The following GALNT12 variants were observed in gnomAD, a reference collection of about 807,000 sequenced individuals.
GALNT12 encodes UDP-GalNAc:polypeptide N-acetylgalactosaminyltransferase 12.
Under a neutral mutation model 55.5 loss-of-function variants are expected in GALNT12, and 45 were observed. That is an observed-to-expected ratio of 0.81 (90% CI 0.64 to 1.04). The LOEUF (loss-of-function observed/expected upper bound fraction) is 1.04, where lower values mean the gene tolerates loss of function less well. GALNT12 is among the 50% of genes least tolerant of loss of function. GALNT12 has a pLI of 0.00. For synonymous variants in GALNT12, 304 were observed against 312.2 expected, an observed-to-expected ratio of 0.97 and a Z score of 0.28; for missense variants, 709 against 754.8, an observed-to-expected ratio of 0.94 and a Z score of 0.71.
rs10987952 is a variant in GALNT12 at position 98,845,743 on chromosome 9, C to A, written c.1459-234C>A. Reference sequence around the variant, plus strand: ...GCACCAGCCCTGTCTCCCTGTCTAGCAAGCTGGGCAGGCATGGGAAGGGCC... The same window carrying A: ...GCACCAGCCCTGTCTCCCTGTCTAGAAAGCTGGGCAGGCATGGGAAGGGCC... On this transcript the variant is annotated intron_variant, in intron 8 of 9. Coordinates refer to ENST00000375011, the MANE Select transcript of GALNT12 (RefSeq NM_024642.5). 0.12 allele frequency among the ~76,000 whole-genome samples: 17,622 copies of A among 152,084 alleles called. 1,282 individuals are homozygous for A. Among genetic ancestry groups the A allele is most frequent in the East Asian group, 0.32 (1,631 of 5,130 alleles).
At chr9:98,826,686 G>A (rs911853557) in intron 2 of GALNT12, 66 bp from the exon 3 acceptor site, 1 of 1,512,326 alleles carries the variant, frequency 6.6e-7, no homozygotes, top group East Asian at 2.4e-5. Context: ...AGAAGGCCCC[G>A]GGTTGGGATG....
chr9:98,816,389 G>GC (rs1835610119), intron 1 of GALNT12, among the ~76,000 whole-genome samples: 1 of 130,982 alleles, frequency 7.6e-6, no homozygotes, highest in East Asian at 2.5e-4. Context: ...ATTAAAAAAA[G>GC]AAAAAAAAAA....
Position 98,835,278 on chromosome 9 carries a change from C to A in GALNT12, c.947C>A (p.Ala316Asp). Residue 316 changes from alanine (A) to aspartate (D), a missense_variant, in exon 5 of 10, where the codon GCT becomes GAT. Ala to Asp is a moderately radical substitution (Grantham distance 126). This residue lies in a region of GALNT12 where 17 missense variants were observed against 33.1 expected (regional missense o/e 0.51). Transcript: ENST00000375011. ...RSPTMAGGLF[A>D]VSKKYFEYLG... ...CCAACAATGGCTGGTGGGCTGTTTG[C>A]TGTGAGTAAGAAATATTTTGAATAT... 1 of 1,613,890 alleles carries A rather than the reference C, an allele frequency of 6.2e-7. No homozygotes were observed. The highest frequency in any genetic ancestry group is 8.5e-7 in the Non-Finnish European group (1 of 1,179,778).
At position 98,844,242 on chromosome 9, in the gene GALNT12, T is replaced by G. The variant is rs546282831; in HGVS notation, c.1458+33T>G. On this transcript the variant is annotated intron_variant, in intron 8 of 9. Transcript: ENST00000375011. ...TGAGCCTCAAAAGAGGAGAAAGCTG[T>G]GTGTTTTGTTAAAAAAATTAAATAG... 186 of 1,330,254 alleles carry G rather than the reference T, an allele frequency of 1.4e-4. 3 individuals carry two copies. The South Asian group carries it at 2.1e-3, about 15-fold the overall frequency. The allele number at this position is 1,330,254 out of a possible 1,614,324, so 82.4% of individuals were successfully genotyped here.
chr9:98,845,114 C>T (rs1216011673), intron 8 of GALNT12, among the ~76,000 whole-genome samples: 1 of 152,156 alleles, frequency 6.6e-6, no homozygotes, highest in African/African-American at 2.4e-5. Flanking sequence ...CTGTTTAGAA[C>T]AGCCTTCCTC....
intron 6 of GALNT12, among the ~76,000 whole-genome samples, chr9:98,838,807 A>G (rs1271938379): frequency 3.3e-5 from 5 of 152,216 alleles, no homozygotes; most frequent in Non-Finnish European, 5.9e-5. Flanking sequence ...CCTTCCAGCA[A>G]CCCTGCAGGG....
At chr9:98,832,079 C>T (rs1355156460) in intron 4 of GALNT12, 122 bp downstream of exon 4, 1 of 803,468 alleles carries the variant, frequency 1.2e-6, no homozygotes, top group East Asian at 2.7e-5. Context: ...CCCCTCTTCC[C>T]ACTTTTTTGC....
At chr9:98,843,852 C>A (rs1836353224) in intron 7 of GALNT12, among the ~76,000 whole-genome samples, 1 of 152,176 alleles carries the variant, frequency 6.6e-6, no homozygotes, top group East Asian at 1.9e-4. Flanking sequence ...AGCTTTCAGG[C>A]CATGAAGAGT....
intron 6 of GALNT12, among the ~76,000 whole-genome samples, chr9:98,838,972 A>C (rs565538047): frequency 6.6e-6 from 1 of 152,146 alleles, no homozygotes; most frequent in Non-Finnish European, 1.5e-5. Context: ...TGCAGAGCCC[A>C]TGGGTTCTCA....
intron 1 of GALNT12, among the ~76,000 whole-genome samples, chr9:98,822,848 C>T (rs901018526): frequency 6.6e-6 from 1 of 152,076 alleles, no homozygotes; most frequent in Non-Finnish European, 1.5e-5. Flanking sequence ...GAGCTGGGAG[C>T]TTGCCAAGTA....
rs139257090 is a variant in GALNT12 at position 98,849,029 on chromosome 9, A to G, written c.1683A>G (p.Pro561=). 6 of 1,614,090 alleles carry G rather than the reference A, an allele frequency of 3.7e-6. No homozygotes were observed. The South Asian group carries it at 4.4e-5, about 12-fold the overall frequency. ...AGGAGTCGAGTGACAGTTTCGTTCCACTCTTACGAGACTGCACCAACTCGG... is the reference window on the plus strand; with the variant it reads ...AGGAGTCGAGTGACAGTTTCGTTCCGCTCTTACGAGACTGCACCAACTCGG... ...ARKESSDSFV[P]LLRDCTNSDH... Residue 561 remains proline (P), a synonymous_variant, in exon 10 of 10, where the codon CCA becomes CCG. Coordinates refer to ENST00000375011, the MANE Select transcript of GALNT12 (RefSeq NM_024642.5).
chr9:98,823,279 A>G lies in GALNT12; in HGVS notation c.395A>G (p.Tyr132Cys). The G allele has an allele frequency of 1.2e-6, 2 of 1,614,204 alleles. No individual in the cohort carries two copies. The highest frequency in any genetic ancestry group is 8.5e-7 in the Non-Finnish European group (1 of 1,180,010). ...AGGTGCAAAGAGAAGAAATATGATT[A>G]TGATAATTTGCCCAGGACATCTGTT... ...NPLCKEKKYD[Y>C]DNLPRTSVII... The change falls in exon 2 of 10, where the codon TAT (tyrosine) becomes TGT (cysteine). Residue 132 changes from tyrosine (Y) to cysteine (C), a missense_variant. By Grantham distance (194) the Tyr-to-Cys change is radical (BLOSUM62 -2). Coordinates refer to ENST00000375011, the MANE Select transcript of GALNT12 (RefSeq NM_024642.5).
intron 7 of GALNT12, among the ~76,000 whole-genome samples, chr9:98,841,356 G>A (rs938422586): frequency 1.3e-5 from 2 of 152,186 alleles, no homozygotes; most frequent in African/African-American, 2.4e-5. Flanking sequence ...ATGTGTTCAT[G>A]TTGTGTCATA....
Position 98,812,764 on chromosome 9 carries a change from C to T in GALNT12, c.371+4695C>T, listed in dbSNP as rs529128990. On this transcript the variant is annotated intron_variant, in intron 1 of 9. Transcript: ENST00000375011. Reference sequence around the variant, plus strand: ...TCTTTTTTCCTACTGCTTTTTGAGTCGATAGAGGCTTTTCCCCTCATTCCA... The same window carrying T: ...TCTTTTTTCCTACTGCTTTTTGAGTTGATAGAGGCTTTTCCCCTCATTCCA... Among the ~76,000 whole-genome samples, 5 of 152,060 alleles carry T rather than the reference C, an allele frequency of 3.3e-5. No homozygotes were observed. The East Asian group carries it at 9.6e-4, about 29-fold the overall frequency.
intron 6 of GALNT12, among the ~76,000 whole-genome samples, chr9:98,838,689 G>C (rs954428246): frequency 6.6e-6 from 1 of 152,208 alleles, no homozygotes; most frequent in Non-Finnish European, 1.5e-5. Flanking sequence ...CCATGGCAGG[G>C]TGCCTGCTTG....
rs1263105591 is a variant in GALNT12, at chr9:98,849,070, T to C, written c.1724T>C (p.Phe575Ser). 6.2e-7 allele frequency: 1 copy of C among 1,614,102 alleles called. No individual in the cohort carries two copies. Among genetic ancestry groups the C allele is most frequent in the Non-Finnish European group, 8.5e-7 (1 of 1,180,050 alleles). ...DCTNSDHQKW[F>S]FKERML ...ACCAACTCGGATCATCAGAAATGGT[T>C]CTTCAAAGAGCGCATGTTATGAAGC... is the stretch of plus-strand genomic sequence containing the variant. The change falls in exon 10 of 10, where the codon TTC becomes TCC. Residue 575 changes from phenylalanine (F) to serine (S), a missense_variant. By Grantham distance (155) the Phe-to-Ser change is radical (BLOSUM62 -2). Around this residue, in one of 5 missense-constraint regions of GALNT12, gnomAD observed 262 missense variants for 310.7 expected, o/e 0.84. Coordinates refer to ENST00000375011, the MANE Select transcript of GALNT12 (RefSeq NM_024642.5).
At chr9:98,844,556 TTC>T in intron 8 of GALNT12, 1 of 295,296 alleles carries the variant, frequency 3.4e-6, no homozygotes, top group South Asian at 3.4e-5. Context: ...GTATTACTGT[TTC>T]GTTAACTGGT....
intron 4 of GALNT12, among the ~76,000 whole-genome samples, chr9:98,832,741 C>CT (rs1836032104): frequency 6.6e-6 from 1 of 152,060 alleles, no homozygotes; most frequent in Non-Finnish European, 1.5e-5. Context: ...AATATTTGTC[C>CT]TTTTGTACTT....
intron 4 of GALNT12, among the ~76,000 whole-genome samples, chr9:98,835,048 C>A (rs906998904): frequency 6.6e-6 from 1 of 152,168 alleles, no homozygotes; most frequent in African/African-American, 2.4e-5. Flanking sequence ...TGCTGAGAAG[C>A]CTGGGAGCCA....
Sources: gnomAD v4.1 joint callset for allele counts (sites outside exome capture counted in the v4.1 genomes callset) on GRCh38, gnomAD v4.1.1 for gene constraint, gnomAD v4.1.1 regional missense constraint, MANE v1.5 for transcripts, NCBI Gene and HGNC (gene_info 2026-07-23, HGNC 2026-07-21) for gene names.